The following SPAG16 variants were observed in gnomAD, a reference collection of about 807,000 sequenced individuals.
SPAG16 encodes the protein sperm-associated antigen 16 protein.
In SPAG16, 86 loss-of-function variants were observed where a neutral mutation model predicts 80.4. That is an observed-to-expected ratio of 1.07 (90% CI 0.90 to 1.28). The LOEUF is 1.28. Ranked by LOEUF, SPAG16 falls within the 50% of genes most tolerant of loss-of-function variation. SPAG16 has a pLI of 0.00. For missense variants in SPAG16, 870 were observed against 765.3 expected, an observed-to-expected ratio of 1.14 and a Z score of -1.61; for synonymous variants, 294 against 265.9, an observed-to-expected ratio of 1.11 and a Z score of -1.03.
chr2:213,854,556 T>C (rs1363837747), intron 10 of SPAG16, among the ~76,000 whole-genome samples: 3 of 152,222 alleles, frequency 2.0e-5, no homozygotes, highest in Non-Finnish European at 4.4e-5. Context: ...ACCCTGTCTC[T>C]CTGTGCTGTG....
intron 15 of SPAG16, among the ~76,000 whole-genome samples, chr2:214,245,694 C>A (rs1444739585): frequency 1.3e-5 from 2 of 152,134 alleles, no homozygotes; most frequent in African/African-American, 4.8e-5. Flanking sequence ...GTCTGACCAT[C>A]TGCTGGTAAA....
chr2:213,757,610 G>A (rs1362110496), intron 10 of SPAG16, among the ~76,000 whole-genome samples: 1 of 152,008 alleles, frequency 6.6e-6, no homozygotes, highest in Non-Finnish European at 1.5e-5. Flanking sequence ...TCTACTAAAG[G>A]CTTGCAACTT....
chr2:213,829,577 T>G (rs2073506009), intron 10 of SPAG16, among the ~76,000 whole-genome samples: 1 of 152,022 alleles, frequency 6.6e-6, no homozygotes, highest in Non-Finnish European at 1.5e-5. Context: ...GAATCTTTCT[T>G]TCTAGCCACC....
At chr2:214,335,755 C>CTTTTTTTTT (rs71037369) in intron 15 of SPAG16, among the ~76,000 whole-genome samples, 3 of 90,572 alleles carry the variant, frequency 3.3e-5, no homozygotes, top group African/African-American at 1.2e-4. Context: ...TATTAGGATT[C>CTTTTTTTTT]TTTTTTTTTT....
intron 15 of SPAG16, among the ~76,000 whole-genome samples, chr2:214,368,682 A>G (rs2126083934): frequency 6.6e-6 from 1 of 152,184 alleles, no homozygotes; most frequent in East Asian, 1.9e-4. Context: ...ATTATCCTGA[A>G]CGAATGTAAA....
At chr2:214,061,594 A>G (rs1217026313) in intron 13 of SPAG16, among the ~76,000 whole-genome samples, 2 of 152,130 alleles carry the variant, frequency 1.3e-5, no homozygotes, top group African/African-American at 4.8e-5. Context: ...AATGCTTTCA[A>G]CTAATTGGAT....
intron 15 of SPAG16, among the ~76,000 whole-genome samples, chr2:214,277,299 A>G (rs1692544049): frequency 6.6e-6 from 1 of 152,230 alleles, no homozygotes; most frequent in Middle Eastern, 3.4e-3. Flanking sequence ...TCAACTCGTC[A>G]AAGTTATTCT....
chr2:213,943,811 A>C (rs1437871593), intron 12 of SPAG16, among the ~76,000 whole-genome samples: 1 of 152,166 alleles, frequency 6.6e-6, no homozygotes, highest in African/African-American at 2.4e-5. Flanking sequence ...CTACCATTTG[A>C]TAAGAAGATT....
chr2:214,223,149 A>C (rs184322787), intron 15 of SPAG16, among the ~76,000 whole-genome samples: 1 of 149,106 alleles, frequency 6.7e-6, no homozygotes, highest in Non-Finnish European at 1.5e-5. Flanking sequence ...TATTATTTGG[A>C]TCTTCCTGGG....
At chr2:213,846,342 T>G (rs953033854) in intron 10 of SPAG16, among the ~76,000 whole-genome samples, 2 of 151,964 alleles carry the variant, frequency 1.3e-5, no homozygotes, top group Non-Finnish European at 2.9e-5. Flanking sequence ...TATGTATATA[T>G]CCCTGCTGAA....
intron 1 of SPAG16, among the ~76,000 whole-genome samples, chr2:213,292,833 A>G (rs2062348342): frequency 6.6e-6 from 1 of 152,114 alleles, no homozygotes; most frequent in South Asian, 2.1e-4. Context: ...ATCTCTTTCC[A>G]GAGTGAGAAA....
chr2:213,366,721 C>G (rs1373023896), intron 8 of SPAG16, among the ~76,000 whole-genome samples: 5 of 152,076 alleles, frequency 3.3e-5, no homozygotes, highest in African/African-American at 1.2e-4. Flanking sequence ...ACAGCCCAAA[C>G]CATATCACCA....
intron 10 of SPAG16, among the ~76,000 whole-genome samples, chr2:213,720,569 C>G (rs981426203): frequency 6.6e-6 from 1 of 150,602 alleles, no homozygotes; most frequent in Non-Finnish European, 1.5e-5. Context: ...ACCTGGGAGG[C>G]GGAGCTTGCA....
chr2:214,358,911 A>G (rs930460333), intron 15 of SPAG16, among the ~76,000 whole-genome samples: 1 of 151,918 alleles, frequency 6.6e-6, no homozygotes, highest in African/African-American at 2.4e-5. Context: ...TTTAGAACCT[A>G]TGACTTCCTA....
intron 10 of SPAG16, among the ~76,000 whole-genome samples, chr2:213,634,408 T>TA (rs1175967793): frequency 1.3e-5 from 2 of 152,186 alleles, no homozygotes; most frequent in African/African-American, 4.8e-5. Flanking sequence ...TACTATTTTT[T>TA]ATTGGTTCAT....
At chr2:213,553,992 G>T (rs975480075) in intron 10 of SPAG16, among the ~76,000 whole-genome samples, 3 of 152,126 alleles carry the variant, frequency 2.0e-5, no homozygotes, top group Non-Finnish European at 2.9e-5. Context: ...GGGTTCCAGA[G>T]CCATAGCCCC....
chr2:213,451,395 G>T (rs1321917901), intron 9 of SPAG16, among the ~76,000 whole-genome samples: 1 of 152,020 alleles, frequency 6.6e-6, no homozygotes, highest in Non-Finnish European at 1.5e-5. Flanking sequence ...TTGAAATCCA[G>T]GTATGTTCAG....
intron 12 of SPAG16, among the ~76,000 whole-genome samples, chr2:213,931,160 T>G (rs1245182305): frequency 3.3e-5 from 5 of 152,216 alleles, no homozygotes; most frequent in African/African-American, 1.2e-4. Flanking sequence ...GCATGTGAAA[T>G]TATTATTGTT....
chr2:213,864,963 A>G (rs1224313674), intron 11 of SPAG16, among the ~76,000 whole-genome samples: 1 of 152,078 alleles, frequency 6.6e-6, no homozygotes, highest in Non-Finnish European at 1.5e-5. Context: ...AACACTTGAG[A>G]ATCCAGCTAA....
Sources: allele counts gnomAD v4.1 joint callset (sites outside exome capture counted in the v4.1 genomes callset), GRCh38; gene constraint gnomAD v4.1.1; transcripts MANE v1.5; gene names NCBI Gene and HGNC (gene_info 2026-07-23, HGNC 2026-07-21).